The following WNT2B variants were observed in gnomAD, a reference collection of about 807,000 sequenced individuals.
WNT2B encodes Wnt family member 2B, also known as protein Wnt-2b.
Under a neutral mutation model 40.5 loss-of-function variants are expected in WNT2B, and 19 were observed. That is an observed-to-expected ratio of 0.47 (90% CI 0.33 to 0.69). The LOEUF (loss-of-function observed/expected upper bound fraction) is 0.69, where lower values mean the gene tolerates loss of function less well. Among genes scored for constraint, WNT2B ranks in the 30% least tolerant of loss-of-function variants. The pLI is 0.02. For synonymous variants in WNT2B, 220 were observed against 211.9 expected, an observed-to-expected ratio of 1.04 and a Z score of -0.33; for missense variants, 467 against 556.4, an observed-to-expected ratio of 0.84 and a Z score of 1.62.
rs1427212480 is a variant in WNT2B, at chr1:112,524,541, T to C, written c.*4032T>C. 1 of 152,568 alleles carries C rather than the reference T, an allele frequency of 6.6e-6. No individual in the cohort carries two copies. The highest frequency in any genetic ancestry group is 1.5e-5 in the Non-Finnish European group (1 of 68,070). 9.5% of individuals were successfully genotyped at this position (152,568 alleles called of 1,614,324 possible). A position where few individuals can be genotyped will look rare whatever the true frequency, so the allele number is the denominator to read the frequency against. ...CAGAGCCGCCCCCTGGGTGCAGAAA[T>C]GAAATACGGGAGAGCTTCACATTAC... On this transcript the variant is annotated 3_prime_UTR_variant, in exon 5 of 5. Coordinates refer to ENST00000369684, the MANE Select transcript of WNT2B (RefSeq NM_024494.3).
intron 1 of WNT2B, chr1:112,490,953 C>T: frequency 2.0e-6 from 3 of 1,518,640 alleles, no homozygotes; most frequent in Non-Finnish European, 2.7e-6. Context: ...CCTCTTCCTG[C>T]TGAAAATCCA....
In WNT2B at chr1:112,515,025, C is replaced by T. The variant is rs1398599303; in HGVS notation, c.334C>T (p.Arg112Cys). The change falls in exon 2 of 5, where the codon CGC becomes TGC. Residue 112 changes from arginine to cysteine, a missense_variant. Transcript: ENST00000369684. The surrounding 1 kb of genome is among the most constrained non-coding windows in gnomAD (Gnocchi z 4.4). The stretch of plus-strand genomic sequence containing the variant: ...GATCCGAGAGTGTCAGCACCAATTC[C>T]GCCACCACCGCTGGAACTGTACCAC... Reference protein sequence around the residue: ...EWIRECQHQFRHHRWNCTTLD... With the variant: ...EWIRECQHQFCHHRWNCTTLD... 4.3e-6 allele frequency: 7 copies of T among 1,614,142 alleles called. No individual in the cohort carries two copies. Among genetic ancestry groups the T allele is most frequent in the African/African-American group, 2.7e-5 (2 of 75,028 alleles).
exon 1 of WNT2B, chr1:112,467,443 G>T: frequency 1.4e-6 from 1 of 719,350 alleles, no homozygotes; most frequent in South Asian, 1.5e-5. Flanking sequence ...CAAGCAATGT[G>T]GTTGTAAAAT....
At chr1:112,481,805 T>C (rs1651231770) in intron 1 of WNT2B, among the ~76,000 whole-genome samples, 1 of 151,936 alleles carries the variant, frequency 6.6e-6, no homozygotes, top group African/African-American at 2.4e-5. Flanking sequence ...GAGTCCAGGA[T>C]TCAAGACCAG....
chr1:112,508,771 C>A (rs1278500188), upstream of WNT2B: 8 of 986,912 alleles, frequency 8.1e-6, no homozygotes, highest in East Asian at 9.0e-4. This position sits in a 1 kb window ranked among gnomAD's most constrained non-coding sequence, Gnocchi z 4.2. Context: ...CCCGTCGCAG[C>A]GTGCGGGAGC....
At chr1:112,484,834 G>A (rs868452097) in intron 1 of WNT2B, among the ~76,000 whole-genome samples, 9 of 151,916 alleles carry the variant, frequency 5.9e-5, no homozygotes, top group South Asian at 2.1e-4. Context: ...AATACTAAAT[G>A]TAAAGATATC....
chr1:112,500,911 G>T (rs1651929814), intron 1 of WNT2B, among the ~76,000 whole-genome samples: 1 of 152,196 alleles, frequency 6.6e-6, no homozygotes, highest in African/African-American at 2.4e-5. Context: ...TGGTACAGTT[G>T]TCACAACAGT....
At chr1:112,469,375 A>G (rs570303229) in intron 1 of WNT2B, among the ~76,000 whole-genome samples, 1 of 152,176 alleles carries the variant, frequency 6.6e-6, no homozygotes, top group Admixed American at 6.5e-5. Context: ...GGAAAATGAC[A>G]TTGGTATTTT....
At chr1:112,499,927 G>A (rs11807828) in intron 1 of WNT2B, among the ~76,000 whole-genome samples, 12,173 of 152,214 alleles carry the variant, frequency 0.08, 687 homozygotes, top group African/African-American at 0.16. Flanking sequence ...GGGGAGTACA[G>A]TGTCTTGATC....
Position 112,515,042 on chromosome 1 carries a change from C to T in WNT2B, c.351C>T (p.Asn117=), listed in dbSNP as rs770976149. 9 of 1,614,248 alleles carry T rather than the reference C, an allele frequency of 5.6e-6. No homozygotes were observed. The South Asian group carries it at 8.8e-5, about 16-fold the overall frequency. The change falls in exon 2 of 5, where the codon AAC becomes AAT. Residue 117 remains asparagine, a synonymous_variant. Coordinates refer to ENST00000369684, the MANE Select transcript of WNT2B (RefSeq NM_024494.3). The surrounding 1 kb of genome is among the most constrained non-coding windows in gnomAD (Gnocchi z 4.4). ...ACCAATTCCGCCACCACCGCTGGAACTGTACCACCCTGGACCGGGACCACA... is the reference window on the plus strand; with the variant it reads ...ACCAATTCCGCCACCACCGCTGGAATTGTACCACCCTGGACCGGGACCACA... ...CQHQFRHHRW[N]CTTLDRDHTV...
At chr1:112,512,787 T>C (rs1017147063) in intron 1 of WNT2B, among the ~76,000 whole-genome samples, 8 of 151,962 alleles carry the variant, frequency 5.3e-5, no homozygotes, top group Non-Finnish European at 1.2e-4. Flanking sequence ...AGGCTCAGCT[T>C]TATTGGAGGC....
At chr1:112,511,884 G>A (rs1652364456) in intron 1 of WNT2B, among the ~76,000 whole-genome samples, 1 of 152,208 alleles carries the variant, frequency 6.6e-6, no homozygotes, top group Admixed American at 6.5e-5. Flanking sequence ...CACCTTATGA[G>A]CATGATCTTT....
At chr1:112,468,908 T>C (rs1286132568) in intron 1 of WNT2B, among the ~76,000 whole-genome samples, 4 of 152,196 alleles carry the variant, frequency 2.6e-5, no homozygotes, top group Admixed American at 6.5e-5. Context: ...GTTTTTCTTA[T>C]GTTTTCTTCT....
At chr1:112,484,258 C>CATATATATACACATATATATACAT (rs1557909844) in intron 1 of WNT2B, among the ~76,000 whole-genome samples, 12 of 110,426 alleles carry the variant, frequency 1.1e-4, no homozygotes, top group African/African-American at 4.6e-4. Context: ...TATATATACA[C>CATATATATACACATATATATACAT]ATATATATAT....
At chr1:112,490,394 C>T (rs778160753) in intron 1 of WNT2B, among the ~76,000 whole-genome samples, 5 of 152,156 alleles carry the variant, frequency 3.3e-5, no homozygotes, top group Non-Finnish European at 5.9e-5. Context: ...TTCAATGTAA[C>T]CTGTACCAAA....
intron 4 of WNT2B, among the ~76,000 whole-genome samples, chr1:112,519,288 T>C (rs1395807073): frequency 6.6e-6 from 1 of 152,246 alleles, no homozygotes; most frequent in Non-Finnish European, 1.5e-5. Context: ...AACGTAAATA[T>C]TTTAAATTGA....
At chr1:112,494,857 AC>A (rs1352512563) in intron 1 of WNT2B, among the ~76,000 whole-genome samples, 1 of 151,536 alleles carries the variant, frequency 6.6e-6, no homozygotes, top group African/African-American at 2.5e-5. Flanking sequence ...TAAAACAAAA[AC>A]TTTTCATATT....
At position 112,497,809 on chromosome 1, in the gene WNT2B, G is replaced by A. The variant is rs142227240; in HGVS notation, c.-94-17065G>A. 9.7e-3 allele frequency among the ~76,000 whole-genome samples: 1,474 copies of A among 151,756 alleles called. 37 individuals carry two copies. The highest frequency in any genetic ancestry group is 0.033 in the African/African-American group (1,368 of 41,344). ...TATTAAGAAATTCCATCTTAAAATC[G>A]TTTCTCTGCTTGCATTTTACTATAA... On this transcript the variant is annotated intron_variant, in intron 1 of 4. Transcript: ENST00000256640.
At chr1:112,486,492 A>G (rs1651422453) in intron 1 of WNT2B, among the ~76,000 whole-genome samples, 1 of 152,118 alleles carries the variant, frequency 6.6e-6, no homozygotes, top group African/African-American at 2.4e-5. Flanking sequence ...CCCATAAAGA[A>G]CCAATTGATA....
Sources: allele counts gnomAD v4.1 joint callset (sites outside exome capture counted in the v4.1 genomes callset), GRCh38; gene constraint gnomAD v4.1.1; non-coding constraint Gnocchi (gnomAD v3.1); transcripts MANE v1.5; gene names NCBI Gene and HGNC (gene_info 2026-07-23, HGNC 2026-07-21).